Variants in HSD11B2 observed in about 807,000 individuals in gnomAD.
HSD11B2 encodes 11-beta-hydroxysteroid dehydrogenase type 2.
A neutral mutation model predicts 20.9 loss-of-function variants in HSD11B2; 17 were observed. The observed-to-expected ratio is 0.81, with a 90% CI of 0.56 to 1.22. The LOEUF (loss-of-function observed/expected upper bound fraction) is 1.22. HSD11B2 is among the 50% of genes most tolerant of loss of function. The pLI is 0.00. For synonymous variants in HSD11B2, 253 were observed against 255.4 expected, an observed-to-expected ratio of 0.99 and a Z score of 0.09; for missense variants, 480 against 563.6, an observed-to-expected ratio of 0.85 and a Z score of 1.50.
intron 1 of HSD11B2, among the ~76,000 whole-genome samples, 197 bp downstream of exon 1, chr16:67,431,710 C>T (rs1202994506): frequency 6.6e-6 from 1 of 152,138 alleles, no homozygotes; most frequent in Non-Finnish European, 1.5e-5. Flanking sequence ...TCACTACCTG[C>T]CGCTGCGGGG....
intron 1 of HSD11B2, 196 bp from the exon 2 acceptor site, chr16:67,435,430 TCA>T: frequency 1.5e-6 from 1 of 673,292 alleles, no homozygotes; most frequent in East Asian, 2.7e-5. Flanking sequence ...ATGACAGCTG[TCA>T]CAGAGTTACT....
At position 67,433,719 on chromosome 16, in the gene HSD11B2, CACACACACAT is replaced by C. The variant is rs758705958; in HGVS notation, c.266-1907_266-1898del. Among the ~76,000 whole-genome samples, 322 of 140,262 alleles carry C rather than the reference CACACACACAT, an allele frequency of 2.3e-3. 3 individuals carry two copies. The highest frequency in any genetic ancestry group is 8.7e-3 in the African/African-American group (271 of 31,058). 92.0% of individuals were successfully genotyped at this position (140,262 alleles called of 152,430 possible). A position where few individuals can be genotyped will look rare whatever the true frequency, so the allele number is the denominator to read the frequency against. ...ACACACACACACACACACACACACA[CACACACACAT>C]ATGCTTGCCTCCCTCTCCAAGGCAG... On this transcript the variant is annotated intron_variant, in intron 1 of 4. Transcript: ENST00000326152.
chr16:67,429,984 C>T (rs1468036608), upstream of HSD11B2, among the ~76,000 whole-genome samples: 5 of 152,304 alleles, frequency 3.3e-5, no homozygotes, highest in African/African-American at 9.6e-5. Context: ...GCACTGAGCA[C>T]GGCCTGGAAG....
intron 1 of HSD11B2, among the ~76,000 whole-genome samples, chr16:67,432,393 T>A (rs1290856282): frequency 6.6e-6 from 1 of 152,150 alleles, no homozygotes; most frequent in East Asian, 1.9e-4. Context: ...TGCTCCAGGC[T>A]TTGTCCTTGC....
Position 67,436,470 on chromosome 16 carries a change from G to A in HSD11B2, c.802+84G>A. 2 of 1,536,794 alleles carry A rather than the reference G, an allele frequency of 1.3e-6. No homozygotes were observed. Among genetic ancestry groups the A allele is most frequent in the Non-Finnish European group, 1.8e-6 (2 of 1,132,402 alleles). On this transcript the variant is annotated intron_variant, in intron 4 of 4. Coordinates refer to ENST00000326152, the MANE Select transcript of HSD11B2 (RefSeq NM_000196.4). This position sits in a 1 kb window ranked among gnomAD's most constrained non-coding sequence, Gnocchi z 5.7. Reference sequence around the variant, plus strand: ...TGGGGGCAGGTCAGGTTTGATGAATGGTCATGGTTTTGGTTGGGGGTGTAG... The same window carrying A: ...TGGGGGCAGGTCAGGTTTGATGAATAGTCATGGTTTTGGTTGGGGGTGTAG...
At chr16:67,429,807 T>G (rs1264349443), upstream of HSD11B2, among the ~76,000 whole-genome samples, 1 of 152,150 alleles carries the variant, frequency 6.6e-6, no homozygotes, top group Non-Finnish European at 1.5e-5. Flanking sequence ...CCCTGAGATT[T>G]CCCTGGCTCA....
At chr16:67,433,885 T>C (rs1349622129) in intron 1 of HSD11B2, among the ~76,000 whole-genome samples, 2 of 151,104 alleles carry the variant, frequency 1.3e-5, no homozygotes, top group Admixed American at 1.3e-4. Flanking sequence ...ACAGAGCTGC[T>C]TTGCAGCTTC....
In HSD11B2 at chr16:67,431,500, G is replaced by T; in HGVS notation, c.252G>T (p.Ala84=). 1 of 1,399,564 alleles carries T rather than the reference G, an allele frequency of 7.1e-7. No homozygotes were observed. The highest frequency in any genetic ancestry group is 9.3e-7 in the Non-Finnish European group (1 of 1,074,786). The allele number at this position is 1,399,564 out of a possible 1,614,324, so 86.7% of individuals were successfully genotyped here. The change falls in exon 1 of 5, where the codon GCG becomes GCT. Residue 84 remains alanine, a synonymous_variant. Coordinates refer to ENST00000326152, the MANE Select transcript of HSD11B2 (RefSeq NM_000196.4). Reference sequence around the variant, plus strand: ...AGCGCCTGCCGGTGGCCACTCGCGCGGTGCTCATCACCGGTGAGTGCGCGG... The same window carrying T: ...AGCGCCTGCCGGTGGCCACTCGCGCTGTGCTCATCACCGGTGAGTGCGCGG... The part of the protein sequence containing the change: ...RPQRLPVATR[A]VLITGCDSGF...
At position 67,436,242 on chromosome 16, in the gene HSD11B2, T is replaced by G. The variant is rs2040971356; in HGVS notation, c.665-7T>G. 6.2e-7 allele frequency: 1 copy of G among 1,613,488 alleles called. No individual in the cohort carries two copies. Among genetic ancestry groups the G allele is most frequent in the South Asian group, 1.1e-5 (1 of 91,060 alleles). ...GCTGAGCTGCCCCACTCCCAATCCA[T>G]CCGCAGGGGACATGCCATATCCGTG... On this transcript the variant is annotated splice_polypyrimidine_tract_variant and splice_region_variant and intron_variant, in intron 3 of 4. Coordinates refer to ENST00000326152, the MANE Select transcript of HSD11B2 (RefSeq NM_000196.4). The surrounding 1 kb of genome is among the most constrained non-coding windows in gnomAD (Gnocchi z 5.7).
chr16:67,436,783 G>A lies in HSD11B2; in HGVS notation c.998G>A (p.Arg333Gln), dbSNP rs769729813. 3.7e-5 allele frequency: 59 copies of A among 1,613,514 alleles called. No homozygotes were observed. The highest frequency in any genetic ancestry group is 6.7e-5 in the East Asian group (3 of 44,900). ...DAITDALLAA[R>Q]PRRRYYPGQG... ...ATCACAGATGCGCTGCTGGCAGCTC[G>A]GCCCCGCCGCCGCTATTACCCCGGC... Residue 333 changes from arginine (R) to glutamine (Q), a missense_variant, in exon 5 of 5, where the codon CGG becomes CAG. Physicochemically the swap from Arg to Gln is conservative, Grantham distance 43. Transcript: ENST00000326152. The surrounding 1 kb of genome is among the most constrained non-coding windows in gnomAD (Gnocchi z 5.7).
At chr16:67,432,269 G>GC (rs1479929792) in intron 1 of HSD11B2, among the ~76,000 whole-genome samples, 2 of 152,198 alleles carry the variant, frequency 1.3e-5, no homozygotes, top group African/African-American at 4.8e-5. Flanking sequence ...AGGGGGGGGG[G>GC]GGCTGGAGGC....
rs569806350 is a variant in HSD11B2, at chr16:67,433,791, G to C, written c.266-1837G>C. On this transcript the variant is annotated intron_variant, in intron 1 of 4. Coordinates refer to ENST00000326152, the MANE Select transcript of HSD11B2 (RefSeq NM_000196.4). ...AAGTACCCCTCCTCAGCAGGAGCTCGAAGACCCCTGCCCAGTGCTGTTTTC... is the reference window on the plus strand; with the variant it reads ...AAGTACCCCTCCTCAGCAGGAGCTCCAAGACCCCTGCCCAGTGCTGTTTTC... Among the ~76,000 whole-genome samples, 13 of 151,890 alleles carry C rather than the reference G, an allele frequency of 8.6e-5. No homozygotes were observed. The East Asian group carries it at 2.3e-3, about 27-fold the overall frequency.
rs1356598056 is a variant in HSD11B2 at position 67,435,634 on chromosome 16, A to T, written c.272A>T (p.Asp91Val). Residue 91 changes from aspartate (D) to valine (V), a missense_variant, in exon 2 of 5, where the codon GAC becomes GTC. By Grantham distance (152) the Asp-to-Val change is radical. This residue lies in a region of HSD11B2 where 374 missense variants were observed against 480.9 expected (regional missense o/e 0.78). Coordinates refer to ENST00000326152, the MANE Select transcript of HSD11B2 (RefSeq NM_000196.4). ...ATRAVLITGC[D>V]SGFGKETAKK... is the part of the protein sequence containing the mutation. ...ACTGCCCTGGCCTGGCCAGGCTGTG[A>T]CTCTGGTTTTGGCAAGGAGACGGCC... 1 of 1,612,880 alleles carries T rather than the reference A, an allele frequency of 6.2e-7. No individual in the cohort carries two copies. Among genetic ancestry groups the T allele is most frequent in the Non-Finnish European group, 8.5e-7 (1 of 1,179,754 alleles).
chr16:67,433,415 A>G lies in HSD11B2; in HGVS notation c.265+1902A>G, dbSNP rs72649101. 1.1e-3 allele frequency among the ~76,000 whole-genome samples: 174 copies of G among 152,246 alleles called. 1 individual carries two copies. The highest frequency in any genetic ancestry group is 4.0e-3 in the African/African-American group (166 of 41,536). Reference sequence around the variant, plus strand: ...GGGATCAGGGTTTGGGCTGAGGATCAGGTGCCTGTGTGCACACATGTGCAC... The same window carrying G: ...GGGATCAGGGTTTGGGCTGAGGATCGGGTGCCTGTGTGCACACATGTGCAC... On this transcript the variant is annotated intron_variant, in intron 1 of 4. Transcript: ENST00000326152.
chr16:67,435,535 G>A (rs747267660), intron 1 of HSD11B2, 93 bp from the exon 2 acceptor site: 69 of 987,844 alleles, frequency 7.0e-5, no homozygotes, highest in Non-Finnish European at 1.0e-4. Flanking sequence ...GTTTGCAGGG[G>A]CCTGGATCCC....
Position 67,431,178 on chromosome 16 carries a change from G to A in HSD11B2, c.-71G>A, listed in dbSNP as rs2040929426. Reference sequence around the variant, plus strand: ...GTGTACCCCCGCACTCCGCGCCCCGGCCTAGAAGCTCTCTCTCCCCGCTCC... The same window carrying A: ...GTGTACCCCCGCACTCCGCGCCCCGACCTAGAAGCTCTCTCTCCCCGCTCC... On this transcript the variant is annotated 5_prime_UTR_variant, in exon 1 of 5. Coordinates refer to ENST00000326152, the MANE Select transcript of HSD11B2 (RefSeq NM_000196.4). 1.3e-5 allele frequency: 12 copies of A among 905,760 alleles called. No homozygotes were observed. The highest frequency in any genetic ancestry group is 1.6e-5 in the Non-Finnish European group (12 of 727,472). 56.1% of individuals were successfully genotyped at this position (905,760 alleles called of 1,614,324 possible).
intron 2 of HSD11B2, 42 bp downstream of exon 2, chr16:67,435,882 G>A: frequency 6.2e-7 from 1 of 1,613,652 alleles, no homozygotes; most frequent in Non-Finnish European, 8.5e-7. Flanking sequence ...TGGCAGGGGA[G>A]TGGGAAGGAC....
chr16:67,437,009 G>A lies in HSD11B2; in HGVS notation c.*6G>A, dbSNP rs376022071. Reference sequence around the variant, plus strand: ...CCCCAGCAGTGGCTCGGTGAGCCATGTGCACCTATGGCCCAGCCACTGCAG... The same window carrying A: ...CCCCAGCAGTGGCTCGGTGAGCCATATGCACCTATGGCCCAGCCACTGCAG... On this transcript the variant is annotated 3_prime_UTR_variant, in exon 5 of 5. Coordinates refer to ENST00000326152, the MANE Select transcript of HSD11B2 (RefSeq NM_000196.4). The A allele has an allele frequency of 1.3e-5, 21 of 1,605,802 alleles. No homozygotes were observed. Among genetic ancestry groups the A allele is most frequent in the Non-Finnish European group, 1.7e-5 (20 of 1,179,574 alleles).
rs1009242122 is a variant in HSD11B2, at chr16:67,435,627, G to A, written c.266-1G>A. Reference sequence around the variant, plus strand: ...TTCACTGACTGCCCTGGCCTGGCCAGGCTGTGACTCTGGTTTTGGCAAGGA... The same window carrying A: ...TTCACTGACTGCCCTGGCCTGGCCAAGCTGTGACTCTGGTTTTGGCAAGGA... On this transcript the variant is annotated splice_acceptor_variant, in intron 1 of 4. Coordinates refer to ENST00000326152, the MANE Select transcript of HSD11B2 (RefSeq NM_000196.4). LOFTEE classifies it high-confidence loss of function. 6.2e-7 allele frequency: 1 copy of A among 1,613,030 alleles called. No individual in the cohort carries two copies.
Sources: allele counts gnomAD v4.1 joint callset (sites outside exome capture counted in the v4.1 genomes callset), GRCh38; gene constraint gnomAD v4.1.1; regional missense constraint gnomAD v4.1.1; non-coding constraint Gnocchi (gnomAD v3.1); transcripts MANE v1.5; gene names NCBI Gene and HGNC (gene_info 2026-07-23, HGNC 2026-07-21).